SULT1C3: variants seen among roughly 807,000 people sequenced by gnomAD.
SULT1C3 encodes the protein sulfotransferase family 1C member 3.
In SULT1C3, 31 loss-of-function variants were observed where a neutral mutation model predicts 28.4. That is an observed-to-expected ratio of 1.09 (90% CI 0.82 to 1.47). SULT1C3 has a LOEUF of 1.47. Ranked by LOEUF, SULT1C3 falls within the 40% of genes most tolerant of loss-of-function variation. The pLI is 0.00. For missense variants in SULT1C3, 307 were observed against 272.5 expected (o/e 1.13, Z -0.89); for synonymous variants, 106 against 92.2 (o/e 1.15, Z -0.86).
chr2:108,257,706 T>C (rs1327170670), intron 5 of SULT1C3, among the ~76,000 whole-genome samples: 1 of 152,088 alleles, frequency 6.6e-6, no homozygotes, highest in Non-Finnish European at 1.5e-5. Flanking sequence ...GTGCCTAATA[T>C]AAAAATTAAA....
In SULT1C3 at chr2:108,258,827, A is replaced by C. The variant is rs755357488; in HGVS notation, c.620A>C (p.Lys207Thr). ...ILYLFYEDIK[K>T]NPKHEIHKVL... is the part of the protein sequence containing the mutation. ...TACCTCTTCTACGAGGATATTAAAA[A>C]AGTAAGTGGCACTGAGACTTATAGG... is the stretch of plus-strand genomic sequence containing the variant. Residue 207 changes from lysine (K) to threonine (T), a missense_variant and splice_region_variant, in exon 6 of 8, where the codon AAA becomes ACA. Lys to Thr is a moderately conservative substitution (Grantham distance 78, BLOSUM62 -1). Coordinates refer to ENST00000681802, the MANE Select transcript of SULT1C3 (RefSeq NM_001320878.2). 6.2e-7 allele frequency: 1 copy of C among 1,610,676 alleles called. No homozygotes were observed. The highest frequency in any genetic ancestry group is 8.5e-7 in the Non-Finnish European group (1 of 1,177,826).
chr2:108,241,743 T>A (rs1009065024), intron 1 of SULT1C3, among the ~76,000 whole-genome samples: 1 of 151,942 alleles, frequency 6.6e-6, no homozygotes, highest in Non-Finnish European at 1.5e-5. Flanking sequence ...CTGGCTAACA[T>A]GGTGAAACTC....
At position 108,253,256 on chromosome 2, in the gene SULT1C3, A is replaced by G. The variant is rs937232188; in HGVS notation, c.302-89A>G. On this transcript the variant is annotated intron_variant, in intron 3 of 7. Transcript: ENST00000681802. The stretch of plus-strand genomic sequence containing the variant: ...TCCAATGGATATAAAACAAAATATA[A>G]TCACTCTACAGACAAAGATATAAAT... The G allele has an allele frequency of 1.0e-5, 8 of 777,786 alleles. No homozygotes were observed. In the African/African-American group the frequency reaches 1.4e-4, roughly 14 times the overall value. 48.2% of individuals were successfully genotyped at this position (777,786 alleles called of 1,614,324 possible). A position where few individuals can be genotyped will look rare whatever the true frequency, so the allele number is the denominator to read the frequency against.
chr2:108,255,671 T>C lies in SULT1C3; in HGVS notation c.499T>C (p.Phe167Leu). ...GCCTGATCCTCAGAACTTAGAGGAA[T>C]TTTATGAGAAATTCATGTCCGGAAA... is the stretch of plus-strand genomic sequence containing the variant. ...FMPDPQNLEEFYEKFMSGKVV... is the reference protein window; with the variant it reads ...FMPDPQNLEELYEKFMSGKVV... The change falls in exon 5 of 8, where the codon TTT (phenylalanine) becomes CTT (leucine). Residue 167 changes from phenylalanine (F) to leucine (L), a missense_variant. Physicochemically the swap from Phe to Leu is conservative, Grantham distance 22 (BLOSUM62 0). Transcript: ENST00000681802. 1 of 1,611,248 alleles carries C rather than the reference T, an allele frequency of 6.2e-7. No individual in the cohort carries two copies.
At position 108,256,190 on chromosome 2, in the gene SULT1C3, C is replaced by T. The variant is rs554560053; in HGVS notation, c.526+492C>T. On this transcript the variant is annotated intron_variant, in intron 5 of 7. Coordinates refer to ENST00000681802, the MANE Select transcript of SULT1C3 (RefSeq NM_001320878.2). ...ACATTAGAATTAGCAGCCATGACCC[C>T]TCATCCATTTATTAAGATCACACCT... Among the ~76,000 whole-genome samples the T allele has an allele frequency of 4.6e-5, 7 of 152,124 alleles. No individual in the cohort carries two copies. In the East Asian group the frequency reaches 1.4e-3, roughly 30 times the overall value.
At chr2:108,252,249 C>A in intron 2 of SULT1C3, 116 bp from the exon 3 acceptor site, 2 of 971,792 alleles carry the variant, frequency 2.1e-6, no homozygotes, top group East Asian at 5.3e-5. Flanking sequence ...TCTGCCTTGG[C>A]AACATTGATC....
intron 5 of SULT1C3, among the ~76,000 whole-genome samples, chr2:108,257,496 T>C (rs547943166): frequency 7.2e-5 from 11 of 152,168 alleles, no homozygotes; most frequent in African/African-American, 2.6e-4. Context: ...TACATATACA[T>C]GGATGAGTCC....
At chr2:108,263,194 C>T (rs574592096), downstream of SULT1C3, among the ~76,000 whole-genome samples, 1 of 151,800 alleles carries the variant, frequency 6.6e-6, no homozygotes, top group South Asian at 2.1e-4. Context: ...TGGGGAGTTT[C>T]TTCAGAGCCC....
At chr2:108,263,970 G>A (rs143339121), downstream of SULT1C3, among the ~76,000 whole-genome samples, 5 of 152,276 alleles carry the variant, frequency 3.3e-5, no homozygotes, top group Non-Finnish European at 5.9e-5. Context: ...TCTATCTCAT[G>A]AGATCATTGT....
intron 2 of SULT1C3, among the ~76,000 whole-genome samples, chr2:108,248,146 T>A (rs1455986001): frequency 6.6e-6 from 1 of 152,078 alleles, no homozygotes; most frequent in East Asian, 1.9e-4. Flanking sequence ...AACAAAAAAA[T>A]TGATGGGGAC....
At position 108,258,814 on chromosome 2, in the gene SULT1C3, G is replaced by A. The variant is rs61743196; in HGVS notation, c.607G>A (p.Glu203Lys). The change falls in exon 6 of 8, where the codon GAG becomes AAG. Residue 203 changes from glutamate to lysine, a missense_variant. By Grantham distance (56) the Glu-to-Lys change is moderately conservative. Coordinates refer to ENST00000681802, the MANE Select transcript of SULT1C3 (RefSeq NM_001320878.2). The stretch of plus-strand genomic sequence containing the variant: ...GCACCGGATCCTCTACCTCTTCTAC[G>A]AGGATATTAAAAAAGTAAGTGGCAC... The part of the protein sequence containing the change: ...DMHRILYLFY[E>K]DIKKNPKHEI... 5,546 of 1,612,206 alleles carry A rather than the reference G, an allele frequency of 3.4e-3. 157 individuals carry two copies. The African/African-American group carries it at 0.062, about 18-fold the overall frequency.
chr2:108,252,990 G>A (rs977536983), intron 3 of SULT1C3, among the ~76,000 whole-genome samples: 1 of 151,358 alleles, frequency 6.6e-6, no homozygotes, highest in Admixed American at 6.6e-5. Flanking sequence ...TTCTTTCCAA[G>A]AATGACAACC....
chr2:108,259,611 T>G (rs1675966519), intron 7 of SULT1C3, among the ~76,000 whole-genome samples: 1 of 152,116 alleles, frequency 6.6e-6, no homozygotes, highest in South Asian at 2.1e-4. Flanking sequence ...CTACTGATAT[T>G]CATGTCTGTC....
chr2:108,240,299 T>G (rs1236227464), intron 1 of SULT1C3, among the ~76,000 whole-genome samples: 1 of 152,208 alleles, frequency 6.6e-6, no homozygotes, highest in African/African-American at 2.4e-5. Flanking sequence ...GAAGCAGAAG[T>G]CTAACTCTAT....
intron 5 of SULT1C3, among the ~76,000 whole-genome samples, chr2:108,256,721 A>G (rs1048801505): frequency 7.2e-5 from 11 of 152,112 alleles, no homozygotes; most frequent in Non-Finnish European, 1.3e-4. Flanking sequence ...TGACTTCCAC[A>G]ACATGACCTG....
chr2:108,246,315 G>A (rs1675574967), intron 1 of SULT1C3, among the ~76,000 whole-genome samples: 1 of 152,140 alleles, frequency 6.6e-6, no homozygotes, highest in Non-Finnish European at 1.5e-5. Flanking sequence ...CAAATTTATT[G>A]TATTAGTCCC....
chr2:108,247,924 T>C (rs542618009), intron 2 of SULT1C3, among the ~76,000 whole-genome samples: 2 of 152,236 alleles, frequency 1.3e-5, no homozygotes, highest in East Asian at 1.9e-4. Context: ...CTAGAGTCAA[T>C]GGGCACACCT....
At chr2:108,260,904 T>A (rs899427968), downstream of SULT1C3, among the ~76,000 whole-genome samples, 1 of 152,050 alleles carries the variant, frequency 6.6e-6, no homozygotes, top group Non-Finnish European at 1.5e-5. Flanking sequence ...CCTACATGAG[T>A]TTTTTTGTTT....
At chr2:108,257,042 A>G (rs975682595) in intron 5 of SULT1C3, among the ~76,000 whole-genome samples, 2 of 152,182 alleles carry the variant, frequency 1.3e-5, no homozygotes, top group Non-Finnish European at 1.5e-5. Context: ...TTTTGTGTCA[A>G]CTTGGCTGGA....
Sources: gnomAD v4.1 joint callset for allele counts (sites outside exome capture counted in the v4.1 genomes callset) on GRCh38, gnomAD v4.1.1 for gene constraint, MANE v1.5 for transcripts, NCBI Gene and HGNC (gene_info 2026-07-23, HGNC 2026-07-21) for gene names.